GTF3C6: variants seen among roughly 807,000 people sequenced by gnomAD.
The protein encoded by GTF3C6 is general transcription factor IIIC subunit 6.
GTF3C6 carries 11 observed loss-of-function variants against 19.2 expected under a neutral mutation model. The observed-to-expected ratio is 0.57, with a 90% CI of 0.36 to 0.95. The LOEUF (loss-of-function observed/expected upper bound fraction) is 0.95. GTF3C6 is among the 40% of genes least tolerant of loss of function. The probability of loss-of-function intolerance (pLI) is 0.01; values close to 1 mark genes in which losing one functional copy is unlikely to be tolerated. For missense variants in GTF3C6, 222 were observed against 254.7 expected (o/e 0.87, Z 0.87); for synonymous variants, 87 against 84.2 (o/e 1.03, Z -0.18).
At position 110,962,289 on chromosome 6, in the gene GTF3C6, G is replaced by A. The variant is rs1771170610; in HGVS notation, c.248-103G>A. On this transcript the variant is annotated intron_variant, in intron 4 of 5. Coordinates refer to ENST00000329970, the MANE Select transcript of GTF3C6 (RefSeq NM_138408.4). ...TGAATTTACTACACTATCTTGACAG[G>A]AAGTAGTTTAATCTGACTCCCTACA... 18 of 640,210 alleles carry A rather than the reference G, an allele frequency of 2.8e-5. No individual in the cohort carries two copies. In the South Asian group the frequency reaches 3.4e-4, roughly 12 times the overall value. 39.7% of individuals were successfully genotyped at this position (640,210 alleles called of 1,614,324 possible).
chr6:110,959,578 CT>C (rs1247435718), intron 2 of GTF3C6, among the ~76,000 whole-genome samples: 1 of 152,020 alleles, frequency 6.6e-6, no homozygotes, highest in African/African-American at 2.4e-5. Flanking sequence ...ATTCTCAGCA[CT>C]TTGGGAGGCA....
At chr6:110,959,344 T>A in intron 2 of GTF3C6, 92 bp downstream of exon 2, 1 of 775,562 alleles carries the variant, frequency 1.3e-6, no homozygotes, top group Non-Finnish European at 2.2e-6. Context: ...AGTATTGATA[T>A]ATTTATTTCA....
rs1275061392 is a variant in GTF3C6 at position 110,967,490 on chromosome 6, C to T, written c.362-20C>T. ...TTTTTTGTTTCTTTTTTTGTTTATT[C>T]CTCATCCCCTCCAAATTAGGTGGGG... On this transcript the variant is annotated intron_variant, in intron 5 of 5. Transcript: ENST00000329970. The T allele has an allele frequency of 1.3e-6, 2 of 1,578,354 alleles. No individual in the cohort carries two copies. Among genetic ancestry groups the T allele is most frequent in the Non-Finnish European group, 8.6e-7 (1 of 1,164,788 alleles).
chr6:110,965,020 G>A (rs1451178346), intron 5 of GTF3C6, among the ~76,000 whole-genome samples: 2 of 151,440 alleles, frequency 1.3e-5, no homozygotes, highest in Non-Finnish European at 2.9e-5. Context: ...TTAGTAGAGA[G>A]ATGGGGTTTC....
intron 5 of GTF3C6, among the ~76,000 whole-genome samples, chr6:110,966,149 G>A (rs1234364134): frequency 6.6e-6 from 1 of 152,154 alleles, no homozygotes; most frequent in Non-Finnish European, 1.5e-5. Context: ...CAAGGTAGAA[G>A]CCACAGTGTC....
chr6:110,964,832 TTTC>T (rs1336740099), intron 5 of GTF3C6, among the ~76,000 whole-genome samples: 2 of 139,248 alleles, frequency 1.4e-5, no homozygotes, highest in Non-Finnish European at 1.5e-5. Context: ...CGGAGTTTTT[TTTC>T]TTTTTTTTTT....
At chr6:110,961,619 C>T (rs1311527087) in intron 4 of GTF3C6, among the ~76,000 whole-genome samples, 1 of 152,226 alleles carries the variant, frequency 6.6e-6, no homozygotes, top group Non-Finnish European at 1.5e-5. Flanking sequence ...AAAGTTTCAA[C>T]TCCAGGCAGC....
At chr6:110,959,787 G>A (rs1771135276) in intron 2 of GTF3C6, among the ~76,000 whole-genome samples, 1 of 151,930 alleles carries the variant, frequency 6.6e-6, no homozygotes, top group Non-Finnish European at 1.5e-5. Context: ...GTGTAACCCC[G>A]TCTCTACTGA....
At chr6:110,962,547 G>A in intron 5 of GTF3C6, 42 bp downstream of exon 5, 1 of 1,029,884 alleles carries the variant, frequency 9.7e-7, no homozygotes, top group Non-Finnish European at 1.5e-6. Flanking sequence ...TCCAGTACTG[G>A]CTTTGACAAT....
chr6:110,959,021 A>C (rs1771123238), intron 1 of GTF3C6, 151 bp from the exon 2 acceptor site: 2 of 806,302 alleles, frequency 2.5e-6, no homozygotes, highest in Admixed American at 2.5e-5. Context: ...TTGGGATGGG[A>C]AGTACCGGGA....
intron 4 of GTF3C6, among the ~76,000 whole-genome samples, chr6:110,962,170 C>T (rs2114257088): frequency 6.6e-6 from 1 of 152,276 alleles, no homozygotes; most frequent in East Asian, 1.9e-4. Flanking sequence ...TCCCAAAGTG[C>T]AGGGATTACA....
chr6:110,959,046 G>A, intron 1 of GTF3C6, 126 bp from the exon 2 acceptor site: 1 of 856,126 alleles, frequency 1.2e-6, no homozygotes, highest in East Asian at 2.5e-5. Context: ...ACCTTAGGTA[G>A]CGTAGTTTCC....
intron 5 of GTF3C6, among the ~76,000 whole-genome samples, chr6:110,963,759 T>C (rs1395735930): frequency 6.7e-6 from 1 of 149,320 alleles, no homozygotes; most frequent in East Asian, 2.0e-4. Flanking sequence ...TGGAGTACAG[T>C]GGAGCCATCT....
intron 1 of GTF3C6, 111 bp from the exon 2 acceptor site, chr6:110,959,061 G>A (rs1429801459): frequency 2.2e-6 from 2 of 900,602 alleles, no homozygotes; most frequent in East Asian, 4.9e-5. Context: ...GTTTCCTCTT[G>A]CTGAAAACAG....
rs201447920 is a variant in GTF3C6 at position 110,960,407 on chromosome 6, G to A, written c.139-7G>A. The A allele has an allele frequency of 2.4e-5, 38 of 1,607,212 alleles. 1 individual carries two copies. The Admixed American group carries it at 6.1e-4, about 26-fold the overall frequency. ...TTTTTTTTTTATGATCCTTTATTCT[G>A]TTGTAGGGCATTGACACTGAGAGGC... On this transcript the variant is annotated splice_polypyrimidine_tract_variant and splice_region_variant and intron_variant, in intron 2 of 5. Coordinates refer to ENST00000329970, the MANE Select transcript of GTF3C6 (RefSeq NM_138408.4).
intron 5 of GTF3C6, 105 bp downstream of exon 5, chr6:110,962,610 ATTT>A: frequency 1.5e-6 from 1 of 660,538 alleles, no homozygotes; most frequent in East Asian, 2.8e-5. Context: ...ACTATACATG[ATTT>A]TTGTTTTTTC....
chr6:110,964,250 T>A (rs1439579349), intron 5 of GTF3C6, among the ~76,000 whole-genome samples: 1 of 151,864 alleles, frequency 6.6e-6, no homozygotes, highest in Non-Finnish European at 1.5e-5. Flanking sequence ...TTGTTTTTGT[T>A]TTCTTTTTTT....
rs994358861 is a variant in GTF3C6, at chr6:110,959,311, C to T, written c.138+59C>T. 7 of 1,031,042 alleles carry T rather than the reference C, an allele frequency of 6.8e-6. No homozygotes were observed. The East Asian group carries it at 1.4e-4, about 21-fold the overall frequency. The allele number at this position is 1,031,042 out of a possible 1,614,324, so 63.9% of individuals were successfully genotyped here. ...AGTGTCTTAAATGTAAAACAAGAAT[C>T]AATGGTGAAATACCTATCCGCAAGT... On this transcript the variant is annotated intron_variant, in intron 2 of 5. Transcript: ENST00000329970.
intron 5 of GTF3C6, among the ~76,000 whole-genome samples, chr6:110,966,875 C>T (rs986583991): frequency 1.4e-4 from 21 of 152,094 alleles, no homozygotes; most frequent in African/African-American, 2.7e-4. Context: ...GGACTAATAA[C>T]CAGGCGCAGT....
Sources: gnomAD v4.1 joint callset for allele counts (sites outside exome capture counted in the v4.1 genomes callset) on GRCh38, gnomAD v4.1.1 for gene constraint, MANE v1.5 for transcripts, NCBI Gene and HGNC (gene_info 2026-07-23, HGNC 2026-07-21) for gene names.